Variants in PTPRT observed in about 807,000 individuals in gnomAD.
The protein encoded by PTPRT is receptor-type tyrosine-protein phosphatase T.
A neutral mutation model predicts 176.8 loss-of-function variants in PTPRT; 56 were observed. The ratio of observed to expected loss-of-function variants is 0.32; its 90% CI spans 0.26 to 0.40. PTPRT has a LOEUF of 0.40. PTPRT is among the 10% of genes least tolerant of loss of function. PTPRT has a pLI of 1.00. For synonymous variants in PTPRT, 783 were observed against 739.0 expected (o/e 1.06, Z -0.96); for missense variants, 1,540 against 1,908.2 (o/e 0.81, Z 3.60).
chr20:43,120,143 C>G (rs184994194), intron 1 of PTPRT, among the ~76,000 whole-genome samples: 1 of 152,258 alleles, frequency 6.6e-6, no homozygotes, highest in African/African-American at 2.4e-5. Context: ...AGTAACCACA[C>G]TTTCAACACC....
chr20:42,582,929 T>C (rs1054429261), intron 7 of PTPRT, among the ~76,000 whole-genome samples: 6 of 152,120 alleles, frequency 3.9e-5, no homozygotes, highest in Non-Finnish European at 7.4e-5. Flanking sequence ...GAAGTGCTTG[T>C]CCTCGGTCAG....
Position 42,478,954 on chromosome 20 carries a change from G to A in PTPRT, c.1154-6392C>T, listed in dbSNP as rs62204928. Reference sequence around the variant, plus strand: ...GTGATAGCTGAAGACCAAGCCACCCGAATTTAGGTGCTAATAGAGGGCAGG... The same window carrying A: ...GTGATAGCTGAAGACCAAGCCACCCAAATTTAGGTGCTAATAGAGGGCAGG... On this transcript the variant is annotated intron_variant, in intron 7 of 30. Coordinates refer to ENST00000373187, the MANE Select transcript of PTPRT (RefSeq NM_007050.6). Among the ~76,000 whole-genome samples the A allele has an allele frequency of 7.8e-3, 1,193 of 152,238 alleles. 11 individuals are homozygous for A. Among genetic ancestry groups the A allele is most frequent in the Middle Eastern group, 0.014 (4 of 294 alleles).
intron 1 of PTPRT, among the ~76,000 whole-genome samples, chr20:42,972,920 C>G: frequency 6.6e-6 from 1 of 151,992 alleles, no homozygotes; most frequent in East Asian, 1.9e-4. Flanking sequence ...TGGTGTGACC[C>G]AGAAACTGGA....
intron 12 of PTPRT, among the ~76,000 whole-genome samples, chr20:42,306,057 G>A (rs2057541172): frequency 1.3e-5 from 2 of 152,152 alleles, no homozygotes; most frequent in African/African-American, 4.8e-5. Context: ...TCAACATTTG[G>A]GTAACCTTCA....
intron 9 of PTPRT, among the ~76,000 whole-genome samples, chr20:42,434,659 T>G (rs374303309): frequency 2.7e-5 from 1 of 37,476 alleles, no homozygotes. Context: ...CCCATCTTCA[T>G]AAGAAAAAAA....
chr20:43,119,692 T>C (rs1451118646), intron 1 of PTPRT, among the ~76,000 whole-genome samples: 1 of 152,324 alleles, frequency 6.6e-6, no homozygotes, highest in African/African-American at 2.4e-5. Flanking sequence ...TTTATGATTA[T>C]TGCCAAAAAA....
intron 7 of PTPRT, among the ~76,000 whole-genome samples, chr20:42,481,869 G>A (rs2071392887): frequency 6.6e-6 from 1 of 152,004 alleles, no homozygotes; most frequent in African/African-American, 2.4e-5. Context: ...AGCATGTGGT[G>A]TACTTAGAGT....
intron 7 of PTPRT, among the ~76,000 whole-genome samples, chr20:42,668,411 A>G (rs1336487418): frequency 6.6e-6 from 1 of 152,210 alleles, no homozygotes; most frequent in Non-Finnish European, 1.5e-5. Flanking sequence ...TCCAGAGAAC[A>G]CTAAGAGGTT....
chr20:42,511,069 G>A (rs1187679771), intron 7 of PTPRT, among the ~76,000 whole-genome samples: 1 of 152,072 alleles, frequency 6.6e-6, no homozygotes, highest in Non-Finnish European at 1.5e-5. Context: ...GAGACCTGAG[G>A]TAGCACATTG....
chr20:42,622,111 C>T (rs1393847887), intron 7 of PTPRT, among the ~76,000 whole-genome samples: 2 of 152,222 alleles, frequency 1.3e-5, no homozygotes, highest in Non-Finnish European at 2.9e-5. Flanking sequence ...GAATATGCCT[C>T]TACCTTAGAA....
At chr20:42,417,873 G>A (rs2059080475) in intron 9 of PTPRT, among the ~76,000 whole-genome samples, 1 of 151,972 alleles carries the variant, frequency 6.6e-6, no homozygotes, top group South Asian at 2.1e-4. Context: ...GAGGAGTTGA[G>A]ATGACAGGCA....
At chr20:42,967,096 AT>A (rs1044771153) in intron 1 of PTPRT, among the ~76,000 whole-genome samples, 1 of 152,142 alleles carries the variant, frequency 6.6e-6, no homozygotes, top group East Asian at 1.9e-4. Context: ...TTGCTGTGAC[AT>A]TTGTGCAAGA....
At chr20:42,634,116 A>AATAATAT (rs2074540342) in intron 7 of PTPRT, among the ~76,000 whole-genome samples, 1 of 55,984 alleles carries the variant, frequency 1.8e-5, no homozygotes, top group Non-Finnish European at 2.9e-5. Flanking sequence ...ATAATAATAT[A>AATAATAT]ATATATTATA....
intron 6 of PTPRT, among the ~76,000 whole-genome samples, chr20:42,736,112 C>G (rs779452971): frequency 6.6e-6 from 1 of 152,190 alleles, no homozygotes; most frequent in African/African-American, 2.4e-5. Context: ...CCCTTACCTT[C>G]GAACAATTAT....
chr20:42,068,171 T>C (rs1203930977), downstream of PTPRT, among the ~76,000 whole-genome samples: 1 of 152,188 alleles, frequency 6.6e-6, no homozygotes, highest in Non-Finnish European at 1.5e-5. Flanking sequence ...TCACAAGTGC[T>C]AAGTGGGTTC....
intron 1 of PTPRT, among the ~76,000 whole-genome samples, chr20:42,886,151 A>T (rs550029234): frequency 6.6e-6 from 1 of 152,212 alleles, no homozygotes; most frequent in African/African-American, 2.4e-5. Context: ...TCCGTATTTA[A>T]AAAAGTTAAT....
chr20:42,672,569 C>T (rs547202366), intron 7 of PTPRT, among the ~76,000 whole-genome samples: 1 of 152,294 alleles, frequency 6.6e-6, no homozygotes, highest in African/African-American at 2.4e-5. Flanking sequence ...CCTTTGACTC[C>T]CTACTCCCAA....
At chr20:42,195,086 C>T (rs1436903997) in intron 16 of PTPRT, among the ~76,000 whole-genome samples, 2 of 152,090 alleles carry the variant, frequency 1.3e-5, no homozygotes, top group African/African-American at 2.4e-5. Context: ...AGCACACCAA[C>T]ATGGTACATG....
At chr20:42,814,415 T>G (rs1026664777) in intron 2 of PTPRT, among the ~76,000 whole-genome samples, 2 of 152,198 alleles carry the variant, frequency 1.3e-5, no homozygotes, top group African/African-American at 4.8e-5. Context: ...ACTCATGAAT[T>G]TTTTTAGAAG....
Sources: gnomAD v4.1 joint callset for allele counts (sites outside exome capture counted in the v4.1 genomes callset) on GRCh38, gnomAD v4.1.1 for gene constraint, MANE v1.5 for transcripts, NCBI Gene and HGNC (gene_info 2026-07-23, HGNC 2026-07-21) for gene names.